CNTN5: variants seen among roughly 807,000 people sequenced by gnomAD.
CNTN5 encodes the protein contactin 5.
Under a neutral mutation model 129.1 loss-of-function variants are expected in CNTN5, and 77 were observed. The ratio of observed to expected loss-of-function variants is 0.60; its 90% CI spans 0.50 to 0.72. The LOEUF is 0.72. Among genes scored for constraint, CNTN5 ranks in the 30% least tolerant of loss-of-function variants. CNTN5 has a pLI of 0.00. For synonymous variants in CNTN5, 509 were observed against 465.6 expected, an observed-to-expected ratio of 1.09 and a Z score of -1.20; for missense variants, 1,478 against 1,328.8, an observed-to-expected ratio of 1.11 and a Z score of -1.75.
At chr11:100,224,661 ATT>A (rs1324100382) in intron 15 of CNTN5, 29 bp from the exon 16 acceptor site, 4 of 1,597,926 alleles carry the variant, frequency 2.5e-6, no homozygotes, top group Non-Finnish European at 2.6e-6. Context: ...GATTTGCAAC[ATT>A]TTAAACTGGC....
At chr11:100,077,893 T>C (rs958663189) in intron 13 of CNTN5, among the ~76,000 whole-genome samples, 5 of 151,956 alleles carry the variant, frequency 3.3e-5, no homozygotes, top group Admixed American at 3.3e-4. Context: ...AATACGTCAA[T>C]TGCTTTCATA....
At chr11:99,735,279 T>A (rs1340517043) in intron 3 of CNTN5, among the ~76,000 whole-genome samples, 1 of 152,152 alleles carries the variant, frequency 6.6e-6, no homozygotes, top group Non-Finnish European at 1.5e-5. Context: ...TAAAGTAAAT[T>A]ATGTCCCAGT....
intron 2 of CNTN5, among the ~76,000 whole-genome samples, chr11:99,390,935 A>T (rs1271336366): frequency 1.3e-5 from 2 of 152,034 alleles, no homozygotes; most frequent in African/African-American, 4.8e-5. Flanking sequence ...ATATTTTTTA[A>T]TGTTTTTATT....
chr11:100,220,633 C>T (rs1949244121), intron 15 of CNTN5, among the ~76,000 whole-genome samples: 1 of 152,042 alleles, frequency 6.6e-6, no homozygotes, highest in Non-Finnish European at 1.5e-5. Context: ...AATTATAGTG[C>T]CCTTCAACAG....
chr11:99,822,649 G>T (rs139737289), intron 4 of CNTN5, among the ~76,000 whole-genome samples: 1 of 151,646 alleles, frequency 6.6e-6, no homozygotes, highest in Admixed American at 6.6e-5. Context: ...ACCAGGAGAG[G>T]GTATATACAT....
chr11:99,580,840 G>A (rs1457728226), intron 3 of CNTN5, among the ~76,000 whole-genome samples: 1 of 122,980 alleles, frequency 8.1e-6, no homozygotes. Flanking sequence ...CTTCAGTTCT[G>A]CTCTGATCTT....
chr11:99,679,211 T>TAA (rs961189805), intron 3 of CNTN5, among the ~76,000 whole-genome samples: 6 of 147,682 alleles, frequency 4.1e-5, no homozygotes, highest in Non-Finnish European at 7.5e-5. Context: ...TATATATATA[T>TAA]AAAGAGATTA....
chr11:99,077,152 A>G (rs1474239709), intron 1 of CNTN5, among the ~76,000 whole-genome samples: 1 of 152,188 alleles, frequency 6.6e-6, no homozygotes, highest in Non-Finnish European at 1.5e-5. Context: ...CTTCAAATTC[A>G]GATATGTTGG....
At chr11:100,146,214 CA>C in intron 13 of CNTN5, among the ~76,000 whole-genome samples, 1 of 152,162 alleles carries the variant, frequency 6.6e-6, no homozygotes, top group Middle Eastern at 3.4e-3. Flanking sequence ...GACTGTATTA[CA>C]ATTTTTCTCA....
chr11:99,741,590 T>C (rs1044689573), intron 3 of CNTN5, among the ~76,000 whole-genome samples: 1 of 152,168 alleles, frequency 6.6e-6, no homozygotes, highest in Admixed American at 6.5e-5. Flanking sequence ...AGTATCTGAA[T>C]AGTCACTTAC....
chr11:99,128,466 C>A (rs1858757549), intron 1 of CNTN5, among the ~76,000 whole-genome samples: 1 of 145,586 alleles, frequency 6.9e-6, no homozygotes, highest in Non-Finnish European at 1.5e-5. Context: ...TCCAGCCAGG[C>A]CTTTACAGAC....
At chr11:99,592,780 G>A (rs181156869) in intron 3 of CNTN5, among the ~76,000 whole-genome samples, 8 of 152,232 alleles carry the variant, frequency 5.3e-5, no homozygotes, top group African/African-American at 1.7e-4. Context: ...AAAAGCAGAA[G>A]GATTGTTTTG....
intron 3 of CNTN5, among the ~76,000 whole-genome samples, chr11:99,569,108 A>G (rs1411543376): frequency 1.3e-5 from 2 of 152,086 alleles, no homozygotes; most frequent in African/African-American, 4.8e-5. Context: ...CATGGTTTGA[A>G]GTGAAAATTT....
At chr11:99,466,416 C>T (rs1368973801) in intron 2 of CNTN5, among the ~76,000 whole-genome samples, 1 of 152,130 alleles carries the variant, frequency 6.6e-6, no homozygotes, top group African/African-American at 2.4e-5. Flanking sequence ...ACTTTACCTT[C>T]TCGATATCTT....
At chr11:99,918,686 T>A (rs1485000519) in intron 7 of CNTN5, among the ~76,000 whole-genome samples, 1 of 152,192 alleles carries the variant, frequency 6.6e-6, no homozygotes, top group Non-Finnish European at 1.5e-5. Context: ...CAGTATAGCA[T>A]AGTGTACTAT....
chr11:99,957,104 CAAATA>C (rs749373857), intron 8 of CNTN5, 95 bp downstream of exon 8: 28 of 1,078,974 alleles, frequency 2.6e-5, no homozygotes, highest in African/African-American at 2.4e-4. Context: ...CTGGAACTTA[CAAATA>C]AAATAAAAAG....
chr11:100,008,560 C>T (rs1940330425), intron 9 of CNTN5, among the ~76,000 whole-genome samples: 1 of 152,074 alleles, frequency 6.6e-6, no homozygotes, highest in Non-Finnish European at 1.5e-5. Flanking sequence ...TCCATAGTCT[C>T]TGTTCTCAAA....
intron 1 of CNTN5, among the ~76,000 whole-genome samples, chr11:99,138,886 T>C (rs1859369684): frequency 6.6e-6 from 1 of 152,204 alleles, no homozygotes; most frequent in South Asian, 2.1e-4. Flanking sequence ...GAAGATTTTC[T>C]TTACTTTTTC....
At chr11:99,939,977 AC>A (rs1457764727) in intron 7 of CNTN5, among the ~76,000 whole-genome samples, 1 of 152,210 alleles carries the variant, frequency 6.6e-6, no homozygotes, top group Non-Finnish European at 1.5e-5. Context: ...ATGGTTGGCA[AC>A]CAGAATATTT....
Sources: allele counts gnomAD v4.1 joint callset (sites outside exome capture counted in the v4.1 genomes callset), GRCh38; gene constraint gnomAD v4.1.1; transcripts MANE v1.5; gene names NCBI Gene and HGNC (gene_info 2026-07-23, HGNC 2026-07-21).